The following TSKU variants were observed in gnomAD, a reference collection of about 807,000 sequenced individuals.
TSKU encodes tsukushi.
Under a neutral mutation model 11.2 loss-of-function variants are expected in TSKU, and 4 were observed. That is an observed-to-expected ratio of 0.36 (90% confidence interval 0.18 to 0.82). The LOEUF is 0.82. Ranked by LOEUF, TSKU falls within the 40% of genes least tolerant of loss-of-function variation. The pLI is 0.50. For missense variants in TSKU, 407 were observed against 482.5 expected, an observed-to-expected ratio of 0.84 and a Z score of 1.47; for synonymous variants, 220 against 232.2, an observed-to-expected ratio of 0.95 and a Z score of 0.48.
At chr11:76,782,846 CCT>C (rs1250988760), upstream of TSKU, 1 of 152,092 alleles carries the variant, frequency 6.6e-6, no homozygotes, top group African/African-American at 2.4e-5. Flanking sequence ...AGTCCCTGAA[CCT>C]CTTTCACTCT....
At chr11:76,784,947 C>T (rs1039127762) in intron 1 of TSKU, among the ~76,000 whole-genome samples, 1 of 152,246 alleles carries the variant, frequency 6.6e-6, no homozygotes, top group African/African-American at 2.4e-5. Context: ...TTTCCCTCTC[C>T]GGCCTCAGTT....
intron 1 of TSKU, among the ~76,000 whole-genome samples, chr11:76,790,304 T>A (rs1331909020): frequency 6.6e-6 from 1 of 152,038 alleles, no homozygotes; most frequent in African/African-American, 2.4e-5. Context: ...CAGGCACAGT[T>A]GCCCTGTCAC....
Position 76,796,554 on chromosome 11 carries a change from A to G in TSKU, c.938A>G (p.Asp313Gly), listed in dbSNP as rs1284482851. Residue 313 changes from aspartate (D) to glycine (G), a missense_variant, in exon 2 of 2, where the codon GAT becomes GGT. Transcript: ENST00000333090. This position sits in a 1 kb window ranked among gnomAD's most constrained non-coding sequence, Gnocchi z 4.1. Reference protein sequence around the residue: ...PALQSVSVGQDVRCRRLVREG... With the variant: ...PALQSVSVGQGVRCRRLVREG... ...CTGCAGAGCGTCAGCGTGGGCCAGG[A>G]TGTGCGGTGCCGGCGCCTGGTGCGG... The G allele has an allele frequency of 6.3e-7, 1 of 1,594,802 alleles. No homozygotes were observed. The highest frequency in any genetic ancestry group is 8.6e-7 in the Non-Finnish European group (1 of 1,169,430).
chr11:76,795,872 T>C lies in TSKU; in HGVS notation c.256T>C (p.Leu86=). The C allele has an allele frequency of 6.2e-7, 1 of 1,613,820 alleles. No individual in the cohort carries two copies. Among genetic ancestry groups the C allele is most frequent in the Non-Finnish European group, 8.5e-7 (1 of 1,180,004 alleles). The change falls in exon 2 of 2, where the codon TTG becomes CTG. Residue 86 remains leucine (L), a synonymous_variant. Transcript: ENST00000333090. ...GTTGGCGGGGCCGGGCTACACGACG[T>C]TGGCTGGCCTGGATCTCAGCCACAA... ...SVLAGPGYTT[L]AGLDLSHNLL...
intron 1 of TSKU, among the ~76,000 whole-genome samples, chr11:76,790,453 T>TG (rs1267096785): frequency 6.6e-6 from 1 of 152,182 alleles, no homozygotes; most frequent in East Asian, 1.9e-4. Context: ...CTCTAGCCCT[T>TG]GCGGCAACTC....
intron 1 of TSKU, among the ~76,000 whole-genome samples, chr11:76,786,911 A>G (rs114174833): frequency 1.1e-4 from 17 of 152,194 alleles, no homozygotes; most frequent in African/African-American, 4.1e-4. Context: ...TGAATTGTGG[A>G]TTCTTCTCCA....
At position 76,797,645 on chromosome 11, in the gene TSKU, G is replaced by A. The variant is rs1288194396; in HGVS notation, c.*967G>A. On this transcript the variant is annotated 3_prime_UTR_variant, in exon 2 of 2. Coordinates refer to ENST00000333090, the MANE Select transcript of TSKU (RefSeq NM_015516.4). ...CTAGATGCTGCCCCAAGGAGTTGCT[G>A]CAGTTCTGGAGCCTCATCTGGCTGG... 6.0e-6 allele frequency: 1 copy of A among 167,206 alleles called. No homozygotes were observed. Among genetic ancestry groups the A allele is most frequent in the Non-Finnish European group, 1.5e-5 (1 of 68,232 alleles). The allele number at this position is 167,206 out of a possible 1,614,324, so 10.4% of individuals were successfully genotyped here. A position where few individuals can be genotyped will look rare whatever the true frequency, so the allele number is the denominator to read the frequency against.
chr11:76,790,371 G>A (rs1944354613), intron 1 of TSKU, among the ~76,000 whole-genome samples: 1 of 152,168 alleles, frequency 6.6e-6, no homozygotes, highest in South Asian at 2.1e-4. Flanking sequence ...TGTGTCTCAG[G>A]GGGCTTCATC....
chr11:76,788,259 G>A (rs753072906), intron 1 of TSKU, among the ~76,000 whole-genome samples: 18 of 152,034 alleles, frequency 1.2e-4, no homozygotes, highest in Non-Finnish European at 2.4e-4. Context: ...TACCAGTGGG[G>A]CCCTGTGCCA....
At chr11:76,784,577 G>C (rs1590815196) in intron 1 of TSKU, among the ~76,000 whole-genome samples, 1 of 152,252 alleles carries the variant, frequency 6.6e-6, no homozygotes, top group Non-Finnish European at 1.5e-5. Flanking sequence ...CTCGCGGCTC[G>C]GGGCGTGCGG....
At chr11:76,786,702 C>T (rs1944315790) in intron 1 of TSKU, among the ~76,000 whole-genome samples, 1 of 152,112 alleles carries the variant, frequency 6.6e-6, no homozygotes, top group African/African-American at 2.4e-5. Context: ...AGACAGTGAC[C>T]CCAACTGCCC....
chr11:76,795,007 A>G (rs1322797708), intron 1 of TSKU, among the ~76,000 whole-genome samples: 1 of 152,186 alleles, frequency 6.6e-6, no homozygotes, highest in African/African-American at 2.4e-5. Context: ...CCCTTTTGGT[A>G]AAACAGAGAA....
chr11:76,794,377 A>G (rs1023205763), intron 1 of TSKU, among the ~76,000 whole-genome samples: 2 of 152,226 alleles, frequency 1.3e-5, no homozygotes, highest in Non-Finnish European at 2.9e-5. Context: ...GAGGGAACTG[A>G]GATCTGAGGA....
intron 1 of TSKU, among the ~76,000 whole-genome samples, chr11:76,785,928 C>A (rs1944307295): frequency 6.6e-6 from 1 of 152,194 alleles, no homozygotes; most frequent in Non-Finnish European, 1.5e-5. Flanking sequence ...TGTGAGGATA[C>A]TAATTCTTGC....
At chr11:76,785,135 A>G (rs1944299211) in intron 1 of TSKU, among the ~76,000 whole-genome samples, 1 of 152,084 alleles carries the variant, frequency 6.6e-6, no homozygotes, top group Non-Finnish European at 1.5e-5. Context: ...GCTTCCACCT[A>G]CCCTTCCTCC....
chr11:76,785,801 C>T (rs1018134886), intron 1 of TSKU, among the ~76,000 whole-genome samples: 1 of 152,054 alleles, frequency 6.6e-6, no homozygotes, highest in East Asian at 1.9e-4. Context: ...TGCTGGAGGC[C>T]GAGAGACCAA....
intron 1 of TSKU, among the ~76,000 whole-genome samples, chr11:76,787,394 G>A (rs1018553030): frequency 4.6e-5 from 7 of 152,154 alleles, no homozygotes; most frequent in African/African-American, 7.2e-5. Flanking sequence ...AGGTCCCTGC[G>A]ATCATGTCAT....
chr11:76,792,512 C>G (rs1049063014), intron 1 of TSKU: 1 of 152,056 alleles, frequency 6.6e-6, no homozygotes, highest in Admixed American at 6.5e-5. Flanking sequence ...TAGCTGTGCC[C>G]GCACCCAAAT....
In TSKU at chr11:76,794,973, A is replaced by C. The variant is rs143909898; in HGVS notation, c.-8-636A>C. Among the ~76,000 whole-genome samples the C allele has an allele frequency of 3.6e-3, 541 of 152,342 alleles. 1 individual carries two copies. Among genetic ancestry groups the C allele is most frequent in the African/African-American group, 0.011 (477 of 41,568 alleles). On this transcript the variant is annotated intron_variant, in intron 1 of 1. Coordinates refer to ENST00000333090, the MANE Select transcript of TSKU (RefSeq NM_015516.4). ...CCACTCTGCTGTGTGGCTGTCCAAA[A>C]GCGTCTTAACCTAAGGCCCAGTTCC...
Sources: gnomAD v4.1 joint callset for allele counts (sites outside exome capture counted in the v4.1 genomes callset) on GRCh38, gnomAD v4.1.1 for gene constraint, Gnocchi (gnomAD v3.1) non-coding constraint, MANE v1.5 for transcripts, NCBI Gene and HGNC (gene_info 2026-07-23, HGNC 2026-07-21) for gene names.